Variants in SEMA3D observed in about 807,000 individuals in gnomAD.
SEMA3D encodes the protein semaphorin 3D.
A neutral mutation model predicts 100.1 loss-of-function variants in SEMA3D; 84 were observed. That is an observed-to-expected ratio of 0.84 (90% confidence interval 0.70 to 1.01). SEMA3D has a LOEUF of 1.01. Among genes scored for constraint, SEMA3D ranks in the 50% least tolerant of loss-of-function variants. The pLI, the probability that SEMA3D is intolerant of heterozygous loss-of-function variation, is 0.00. For missense variants in SEMA3D, 875 were observed against 934.1 expected (o/e 0.94, Z 0.82); for synonymous variants, 312 against 320.7 (o/e 0.97, Z 0.29).
Position 85,143,061 on chromosome 7 carries a change from T to G in SEMA3D, c.-41+10547A>C, listed in dbSNP as rs552593764. 1.5e-4 allele frequency: 139 copies of G among 930,748 alleles called. No individual in the cohort carries two copies. The African/African-American group carries it at 2.3e-3, about 15-fold the overall frequency. 57.7% of individuals were successfully genotyped at this position (930,748 alleles called of 1,614,324 possible). ...CTCATAATGCAATAATTATTTCTAA[T>G]AAGACAAACTTACAATTAGTTATTC... is the stretch of plus-strand genomic sequence containing the variant. On this transcript the variant is annotated intron_variant, in intron 2 of 18. Coordinates refer to ENST00000284136, the MANE Select transcript of SEMA3D (RefSeq NM_001384900.1).
At chr7:85,014,028 A>G (rs1790029683) in intron 16 of SEMA3D, among the ~76,000 whole-genome samples, 2 of 151,746 alleles carry the variant, frequency 1.3e-5, no homozygotes, top group Non-Finnish European at 1.5e-5. Flanking sequence ...AATCATATGT[A>G]CCCATTTCAA....
intron 3 of SEMA3D, among the ~76,000 whole-genome samples, chr7:85,100,376 G>C (rs1788709887): frequency 6.8e-6 from 1 of 147,972 alleles, no homozygotes; most frequent in South Asian, 2.1e-4. Context: ...ATTGTGATAT[G>C]CACAGACTCC....
intron 2 of SEMA3D, among the ~76,000 whole-genome samples, chr7:85,147,871 C>T (rs1032129341): frequency 9.2e-5 from 14 of 152,096 alleles, no homozygotes; most frequent in African/African-American, 3.4e-4. Context: ...GACCAACTCC[C>T]TGCCTCATCT....
intron 9 of SEMA3D, among the ~76,000 whole-genome samples, 170 bp from the exon 10 acceptor site, chr7:85,042,455 C>T (rs1174608960): frequency 6.6e-6 from 1 of 151,952 alleles, no homozygotes; most frequent in Non-Finnish European, 1.5e-5. Context: ...AGTATTAGCC[C>T]TCAATATTAA....
intron 12 of SEMA3D, among the ~76,000 whole-genome samples, chr7:85,031,679 C>T (rs1406952510): frequency 6.6e-6 from 1 of 151,840 alleles, no homozygotes; most frequent in Non-Finnish European, 1.5e-5. Flanking sequence ...CTTCGCTGGG[C>T]TTGTTTCTTA....
At chr7:85,043,072 T>C (rs1205109762) in intron 9 of SEMA3D, among the ~76,000 whole-genome samples, 2 of 152,170 alleles carry the variant, frequency 1.3e-5, no homozygotes, top group African/African-American at 4.8e-5. Context: ...TGCGTAATAA[T>C]ACACATATAA....
chr7:85,006,340 A>G (rs1171009625), intron 18 of SEMA3D, among the ~76,000 whole-genome samples: 2 of 151,976 alleles, frequency 1.3e-5, no homozygotes, highest in East Asian at 3.9e-4. Context: ...TTAGTTTAAC[A>G]TGTCTGGATA....
chr7:85,014,625 G>T (rs578027386), intron 16 of SEMA3D, among the ~76,000 whole-genome samples: 1 of 151,720 alleles, frequency 6.6e-6, no homozygotes, highest in East Asian at 2.0e-4. Flanking sequence ...CAAGTCACTA[G>T]GCTGCACTGT....
intron 1 of SEMA3D, chr7:85,160,017 A>G: frequency 1.0e-6 from 1 of 966,196 alleles, no homozygotes; most frequent in Non-Finnish European, 1.2e-6. Flanking sequence ...GAACTATATC[A>G]TTTGTGGATT....
intron 1 of SEMA3D, among the ~76,000 whole-genome samples, chr7:85,176,362 G>T (rs1490542841): frequency 1.3e-5 from 2 of 152,052 alleles, no homozygotes; most frequent in African/African-American, 4.8e-5. Flanking sequence ...AATTCAGTAG[G>T]TTATCACCCT....
intron 2 of SEMA3D, among the ~76,000 whole-genome samples, chr7:85,149,882 C>G (rs1000828704): frequency 4.6e-5 from 7 of 152,166 alleles, no homozygotes; most frequent in African/African-American, 1.2e-4. Context: ...CAACAATACT[C>G]ACTATTTATC....
Position 85,147,092 on chromosome 7 carries a change from C to CTTTTTTTTTTTTTTTTTTTTTTTTTTT in SEMA3D, c.-41+6489_-41+6515dup. Among the ~76,000 whole-genome samples the CTTTTTTTTTTTTTTTTTTTTTTTTTTT allele has an allele frequency of 1.2e-3, 60 of 48,150 alleles. 7 individuals are homozygous for CTTTTTTTTTTTTTTTTTTTTTTTTTTT. Among genetic ancestry groups the CTTTTTTTTTTTTTTTTTTTTTTTTTTT allele is most frequent in the African/African-American group, 1.6e-3 (16 of 10,288 alleles). The allele number at this position is 48,150 out of a possible 152,430, so 31.6% of individuals were successfully genotyped here. ...TCTTTCTTTCTTTTCTTTTTCTTTT[C>CTTTTTTTTTTTTTTTTTTTTTTTTTTT]TTTTTTTTTTTTTTTTTTTTTTTTT... On this transcript the variant is annotated intron_variant, in intron 2 of 18. Transcript: ENST00000284136.
intron 2 of SEMA3D, chr7:85,144,474 T>C (rs1277769689): frequency 2.5e-5 from 24 of 978,272 alleles, no homozygotes; most frequent in African/African-American, 3.5e-5. Flanking sequence ...ATATATTTTA[T>C]GTGAGATAGA....
intron 3 of SEMA3D, among the ~76,000 whole-genome samples, chr7:85,100,199 T>C (rs1390169141): frequency 2.0e-5 from 3 of 152,018 alleles, no homozygotes; most frequent in Admixed American, 1.3e-4. Flanking sequence ...AAATGCATAG[T>C]TATACAAATG....
chr7:85,182,838 A>G (rs560460076), intron 1 of SEMA3D, among the ~76,000 whole-genome samples: 1 of 152,278 alleles, frequency 6.6e-6, no homozygotes, highest in African/African-American at 2.4e-5. Flanking sequence ...ATGCTACTTT[A>G]CTTAAGTACT....
the SEMA3D span, among the ~76,000 whole-genome samples, chr7:85,236,997 A>T: frequency 6.6e-6 from 1 of 152,210 alleles, no homozygotes; most frequent in Admixed American, 6.5e-5. Flanking sequence ...TTTCTTCAAT[A>T]ACTTTTTGTA....
chr7:85,237,307 T>A, the SEMA3D span, among the ~76,000 whole-genome samples: 1 of 152,170 alleles, frequency 6.6e-6, no homozygotes, highest in South Asian at 2.1e-4. Flanking sequence ...TCAAAGCCCA[T>A]AGTTTACATT....
the SEMA3D span, among the ~76,000 whole-genome samples, chr7:85,198,911 T>C: frequency 6.6e-6 from 1 of 151,688 alleles, no homozygotes; most frequent in African/African-American, 2.4e-5. Flanking sequence ...CCTTCTTTTA[T>C]TTGTATTACT....
intron 9 of SEMA3D, among the ~76,000 whole-genome samples, chr7:85,045,130 A>AT (rs1263939152): frequency 6.6e-6 from 1 of 152,046 alleles, no homozygotes; most frequent in Non-Finnish European, 1.5e-5. Context: ...ACCAAACTAC[A>AT]TATGTAGAGA....
Sources: gnomAD v4.1 joint callset for allele counts (sites outside exome capture counted in the v4.1 genomes callset) on GRCh38, gnomAD v4.1.1 for gene constraint, MANE v1.5 for transcripts, NCBI Gene and HGNC (gene_info 2026-07-23, HGNC 2026-07-21) for gene names.